Variants in FCN1 observed in about 807,000 individuals in gnomAD.
FCN1 encodes the protein ficolin-1.
A neutral mutation model predicts 35.6 loss-of-function variants in FCN1; 42 were observed. The ratio of observed to expected loss-of-function variants is 1.18; its 90% CI spans 0.92 to 1.53. The LOEUF is 1.53. Ranked by LOEUF, FCN1 falls within the 40% of genes most tolerant of loss-of-function variation. The pLI, the probability that FCN1 is intolerant of heterozygous loss-of-function variation, is 0.00. For synonymous variants in FCN1, 179 were observed against 169.8 expected, an observed-to-expected ratio of 1.05 and a Z score of -0.42; for missense variants, 439 against 428.4, an observed-to-expected ratio of 1.02 and a Z score of -0.22.
intron 8 of FCN1, 24 bp from the exon 9 acceptor site, chr9:134,910,069 T>A (rs1418394850): frequency 1.2e-6 from 2 of 1,610,388 alleles, no homozygotes; most frequent in Non-Finnish European, 1.7e-6. Context: ...ATGTGGGGTT[T>A]GCAGATGCTG....
chr9:134,910,445 G>A (rs951702655), intron 8 of FCN1, among the ~76,000 whole-genome samples: 15 of 152,280 alleles, frequency 9.9e-5, no homozygotes, highest in African/African-American at 3.4e-4. Context: ...TCTATCTCAA[G>A]CCCTGAGCCG....
intron 4 of FCN1, among the ~76,000 whole-genome samples, chr9:134,913,849 C>A (rs1018135512): frequency 2.0e-5 from 3 of 152,236 alleles, no homozygotes; most frequent in African/African-American, 7.2e-5. Flanking sequence ...TGGGCTGTGG[C>A]AGGCGCTGCG....
intron 5 of FCN1, 43 bp downstream of exon 5, chr9:134,913,538 G>C (rs759403505): frequency 3.9e-6 from 6 of 1,540,754 alleles, no homozygotes; most frequent in South Asian, 1.2e-5. Context: ...CCCCAGGGGT[G>C]GGGGCAAGGC....
At chr9:134,916,916 T>G (rs569644931) in intron 1 of FCN1, among the ~76,000 whole-genome samples, 54 of 152,360 alleles carry the variant, frequency 3.5e-4, no homozygotes, top group Non-Finnish European at 6.6e-4. Context: ...GTAGAATTAC[T>G]GGGCTGGAAG....
At chr9:134,912,186 G>C (rs897222170) in intron 7 of FCN1, among the ~76,000 whole-genome samples, 1 of 152,166 alleles carries the variant, frequency 6.6e-6, no homozygotes, top group African/African-American at 2.4e-5. Flanking sequence ...AGCTGGAGAT[G>C]GGGGAAGGCT....
At chr9:134,916,636 A>C (rs1447248514) in intron 1 of FCN1, among the ~76,000 whole-genome samples, 175 bp from the exon 2 acceptor site, 1 of 152,216 alleles carries the variant, frequency 6.6e-6, no homozygotes, top group Non-Finnish European at 1.5e-5. Context: ...GGGGAGCCCC[A>C]TCTCCTCAGT....
rs12352642 is a variant in FCN1, at chr9:134,904,771, C to A, written c.*5027G>T. ...CTCCAGCCTGGGGGACAGAGTGAGA[C>A]CCTGTTTCAAAAAATAAAAATAAAA... On this transcript the variant is annotated 3_prime_UTR_variant, in exon 9 of 9. Coordinates refer to ENST00000371806, the MANE Select transcript of FCN1 (RefSeq NM_002003.5). 0.064 allele frequency among the ~76,000 whole-genome samples: 9,701 copies of A among 151,736 alleles called. 1,015 individuals carry two copies. The highest frequency in any genetic ancestry group is 0.22 in the African/African-American group (9,055 of 41,286).
In FCN1 at chr9:134,909,483, TC is replaced by T. The variant is rs1395799079; in HGVS notation, c.*314del. ...TCTGCTAAATAAGGGTCCTGACTCT[TC>T]CCGACTTACCAAATTCCAGGGAAAG... On this transcript the variant is annotated 3_prime_UTR_variant, in exon 9 of 9. Transcript: ENST00000371806. The T allele has an allele frequency of 7.6e-7, 1 of 1,319,344 alleles. No individual in the cohort carries two copies. Among genetic ancestry groups the T allele is most frequent in the Non-Finnish European group, 9.9e-7 (1 of 1,008,700 alleles). The allele number at this position is 1,319,344 out of a possible 1,614,324, so 81.7% of individuals were successfully genotyped here. A position where few individuals can be genotyped will look rare whatever the true frequency, so the allele number is the denominator to read the frequency against.
At chr9:134,911,854 G>A (rs922852420) in intron 7 of FCN1, among the ~76,000 whole-genome samples, 51 of 152,360 alleles carry the variant, frequency 3.3e-4, no homozygotes, top group Admixed American at 9.1e-4. Flanking sequence ...TTTTGAAAGT[G>A]TACCTTCTCC....
At position 134,908,795 on chromosome 9, in the gene FCN1, G is replaced by A; in HGVS notation, c.*1003C>T. On this transcript the variant is annotated 3_prime_UTR_variant, in exon 9 of 9. Transcript: ENST00000371806. ...AGGGACTCCAGATCTACTGAGCCAG[G>A]AGGTGGCGAGTTCTTGTTGTTTCAA... 2.1e-5 allele frequency: 4 copies of A among 187,472 alleles called. No individual in the cohort carries two copies. Among genetic ancestry groups the A allele is most frequent in the Admixed American group, 5.4e-5 (1 of 18,438 alleles). The allele number at this position is 187,472 out of a possible 1,614,324, so 11.6% of individuals were successfully genotyped here. A position where few individuals can be genotyped will look rare whatever the true frequency, so the allele number is the denominator to read the frequency against.
chr9:134,913,222 G>A (rs1588657009), intron 5 of FCN1, 79 bp from the exon 6 acceptor site: 42 of 1,562,864 alleles, frequency 2.7e-5, no homozygotes, highest in Non-Finnish European at 3.2e-5. Flanking sequence ...GGCCCAGGAG[G>A]GAGGAGGAGG....
In FCN1 at chr9:134,904,365, G is replaced by T. The variant is rs915740714; in HGVS notation, c.*5433C>A. 2.0e-5 allele frequency among the ~76,000 whole-genome samples: 3 copies of T among 152,022 alleles called. No homozygotes were observed. Among genetic ancestry groups the T allele is most frequent in the Admixed American group, 2.0e-4 (3 of 15,268 alleles). On this transcript the variant is annotated 3_prime_UTR_variant, in exon 9 of 9. Transcript: ENST00000371806. ...GACATCTGTATTTACAGTGCTAAAA[G>T]AAACTAATTGGCAATATAGAAGTCT...
At chr9:134,915,003 G>A (rs1285747317) in intron 2 of FCN1, among the ~76,000 whole-genome samples, 194 bp from the exon 3 acceptor site, 2 of 152,122 alleles carry the variant, frequency 1.3e-5, no homozygotes, top group Non-Finnish European at 1.5e-5. Flanking sequence ...GGGATTGAGG[G>A]AGGGGCCTGC....
chr9:134,914,665 G>T, intron 3 of FCN1, 91 bp downstream of exon 3: 1 of 946,794 alleles, frequency 1.1e-6, no homozygotes, highest in Non-Finnish European at 1.7e-6. Flanking sequence ...CTGTGTCTGT[G>T]TCTCTGTCTC....
chr9:134,916,936 A>G (rs1219448211), intron 1 of FCN1, among the ~76,000 whole-genome samples: 2 of 152,178 alleles, frequency 1.3e-5, no homozygotes, highest in African/African-American at 4.8e-5. Context: ...GGGGCTTTCT[A>G]GGTCCTCTGG....
intron 2 of FCN1, 72 bp from the exon 3 acceptor site, chr9:134,914,881 A>T: frequency 8.0e-7 from 1 of 1,256,524 alleles, no homozygotes; most frequent in Non-Finnish European, 1.1e-6. Flanking sequence ...CTTTGCCCCA[A>T]GTGGTTAAGT....
chr9:134,912,704 A>G lies in FCN1; in HGVS notation c.469-89T>C, dbSNP rs572668253. 3.8e-5 allele frequency: 59 copies of G among 1,562,386 alleles called. No individual in the cohort carries two copies. In the South Asian group the frequency reaches 6.5e-4, roughly 17 times the overall value. ...CGCCCTCCAGAGGAGCAGCATTTGTAGTTGGCAGAGCATCACAGGCCGGTG... is the reference window on the plus strand; with the variant it reads ...CGCCCTCCAGAGGAGCAGCATTTGTGGTTGGCAGAGCATCACAGGCCGGTG... On this transcript the variant is annotated intron_variant, in intron 6 of 8. Transcript: ENST00000371806.
At chr9:134,910,805 C>A (rs1005982349) in intron 8 of FCN1, among the ~76,000 whole-genome samples, 6 of 152,208 alleles carry the variant, frequency 3.9e-5, no homozygotes, top group African/African-American at 1.2e-4. Flanking sequence ...TCCCACAAGG[C>A]TGGTGTTCCA....
chr9:134,917,177 TAGAG>T (rs1831102492), intron 1 of FCN1, among the ~76,000 whole-genome samples: 1 of 152,224 alleles, frequency 6.6e-6, no homozygotes, highest in Non-Finnish European at 1.5e-5. Context: ...CTCCTTCCAC[TAGAG>T]CAGGCTGTAA....
Sources: allele counts gnomAD v4.1 joint callset (sites outside exome capture counted in the v4.1 genomes callset), GRCh38; gene constraint gnomAD v4.1.1; transcripts MANE v1.5; gene names NCBI Gene and HGNC (gene_info 2026-07-23, HGNC 2026-07-21).